TRAF3: variants seen among roughly 807,000 people sequenced by gnomAD.
TRAF3 encodes TNF receptor-associated factor 3.
A neutral mutation model predicts 62.3 loss-of-function variants in TRAF3; 13 were observed. That is an observed-to-expected ratio of 0.21 (90% confidence interval 0.14 to 0.33). The LOEUF (loss-of-function observed/expected upper bound fraction) is 0.33, where lower values mean the gene tolerates loss of function less well. TRAF3 is among the 10% of genes least tolerant of loss of function. The pLI, the probability that TRAF3 is intolerant of heterozygous loss-of-function variation, is 1.00. For synonymous variants in TRAF3, 269 were observed against 283.4 expected, an observed-to-expected ratio of 0.95 and a Z score of 0.51; for missense variants, 440 against 741.8, an observed-to-expected ratio of 0.59 and a Z score of 4.73.
rs117897999 is a variant in TRAF3, at chr14:102,907,823, C to A, written c.*2039C>A. 4,091 of 152,544 alleles carry A rather than the reference C, an allele frequency of 0.027. 62 individuals carry two copies. The highest frequency in any genetic ancestry group is 0.032 in the Non-Finnish European group (2,173 of 68,148). 9.4% of individuals were successfully genotyped at this position (152,544 alleles called of 1,614,324 possible). A position where few individuals can be genotyped will look rare whatever the true frequency, so the allele number is the denominator to read the frequency against. On this transcript the variant is annotated 3_prime_UTR_variant, in exon 12 of 12. Coordinates refer to ENST00000392745, the MANE Select transcript of TRAF3 (RefSeq NM_145725.3). ...GTTCCGTTGTTCTTATCTGCCTTTC[C>A]TTTCCCCGCTCTCCTGGGATTACTT...
At chr14:102,865,570 G>T (rs1229139882) in intron 2 of TRAF3, among the ~76,000 whole-genome samples, 2 of 151,194 alleles carry the variant, frequency 1.3e-5, no homozygotes, top group African/African-American at 4.9e-5. Context: ...CACGATCTCG[G>T]GTCACTGAAA....
At position 102,826,135 on chromosome 14, in the gene TRAF3, A is replaced by G. The variant is rs907467338; in HGVS notation, c.-156-4199A>G. ...CGTCTTTTCCAGTTGGTGTCAGTGA[A>G]CTCTGTTTTGGGTATCTACAAAAGC... is the stretch of plus-strand genomic sequence containing the variant. On this transcript the variant is annotated intron_variant, in intron 1 of 11. Transcript: ENST00000392745. The surrounding 1 kb of genome is among the most constrained non-coding windows in gnomAD (Gnocchi z 4.6). Among the ~76,000 whole-genome samples, 2 of 151,944 alleles carry G rather than the reference A, an allele frequency of 1.3e-5. No individual in the cohort carries two copies. The highest frequency in any genetic ancestry group is 3.9e-4 in the East Asian group (2 of 5,180).
At chr14:102,818,376 G>A (rs899301263) in intron 1 of TRAF3, among the ~76,000 whole-genome samples, 2 of 152,164 alleles carry the variant, frequency 1.3e-5, no homozygotes, top group African/African-American at 4.8e-5. Flanking sequence ...TTAGTAGAAA[G>A]CTCTGTGAAG....
At chr14:102,839,221 T>C (rs1268783413) in intron 2 of TRAF3, among the ~76,000 whole-genome samples, 6 of 135,770 alleles carry the variant, frequency 4.4e-5, no homozygotes, top group South Asian at 2.4e-4. Context: ...TTTTTTTTTT[T>C]TTTTTTTTTT....
At chr14:102,880,964 G>A (rs796933976) in intron 6 of TRAF3, among the ~76,000 whole-genome samples, 1 of 152,172 alleles carries the variant, frequency 6.6e-6, no homozygotes, top group African/African-American at 2.4e-5. Flanking sequence ...GTAATCGCAG[G>A]TGCCTGTAAT....
chr14:102,905,696 A>G lies in TRAF3; in HGVS notation c.1619A>G (p.Gln540Arg). Residue 540 changes from glutamine to arginine, a missense_variant, in exon 12 of 12, where the codon CAA becomes CGA. Physicochemically the swap from Gln to Arg is conservative, Grantham distance 43. Around this residue, in one of 6 missense-constraint regions of TRAF3, gnomAD observed 59 missense variants for 120.9 expected, o/e 0.49. Coordinates refer to ENST00000392745, the MANE Select transcript of TRAF3 (RefSeq NM_145725.3). ...IASGCPVFVA[Q>R]TVLENGTYIK... Reference sequence around the variant, plus strand: ...TCTGGCTGCCCAGTCTTTGTGGCCCAAACTGTTCTAGAAAATGGGACATAT... The same window carrying G: ...TCTGGCTGCCCAGTCTTTGTGGCCCGAACTGTTCTAGAAAATGGGACATAT... The G allele has an allele frequency of 6.2e-7, 1 of 1,612,666 alleles. No homozygotes were observed. Among genetic ancestry groups the G allele is most frequent in the Non-Finnish European group, 8.5e-7 (1 of 1,178,860 alleles).
intron 2 of TRAF3, among the ~76,000 whole-genome samples, chr14:102,842,165 A>AC (rs1265292880): frequency 1.5e-4 from 23 of 151,262 alleles, no homozygotes; most frequent in Non-Finnish European, 2.9e-4. Flanking sequence ...GATCACTTGA[A>AC]CCCGGGAGGT....
At chr14:102,854,568 A>G (rs1887247867) in intron 2 of TRAF3, among the ~76,000 whole-genome samples, 1 of 152,112 alleles carries the variant, frequency 6.6e-6, no homozygotes, top group South Asian at 2.1e-4. Context: ...TAGTGCAAAC[A>G]TGGCTCACTG....
chr14:102,817,148 G>A (rs1035551065), intron 1 of TRAF3, among the ~76,000 whole-genome samples: 1 of 152,132 alleles, frequency 6.6e-6, no homozygotes, highest in African/African-American at 2.4e-5. Context: ...GAGATGTTGA[G>A]TTGGTTATTG....
At chr14:102,865,020 A>G (rs1317680834) in intron 2 of TRAF3, among the ~76,000 whole-genome samples, 1 of 152,148 alleles carries the variant, frequency 6.6e-6, no homozygotes, top group African/African-American at 2.4e-5. Flanking sequence ...TTTATATCCT[A>G]TTTGAGGACT....
In TRAF3 at chr14:102,905,730, T is replaced by C; in HGVS notation, c.1653T>C (p.Asp551=). The change falls in exon 12 of 12, where the codon GAT becomes GAC. Residue 551 remains aspartate, a synonymous_variant. Transcript: ENST00000392745. Reference sequence around the variant, plus strand: ...TAGAAAATGGGACATATATTAAAGATGATACAATTTTTATTAAAGTCATAG... The same window carrying C: ...TAGAAAATGGGACATATATTAAAGACGATACAATTTTTATTAAAGTCATAG... ...TVLENGTYIK[D]DTIFIKVIVD... 1 of 1,612,798 alleles carries C rather than the reference T, an allele frequency of 6.2e-7. No homozygotes were observed. Among genetic ancestry groups the C allele is most frequent in the Admixed American group, 1.7e-5 (1 of 59,894 alleles).
intron 5 of TRAF3, among the ~76,000 whole-genome samples, 200 bp downstream of exon 5, chr14:102,875,928 A>G (rs370613872): frequency 5.3e-5 from 8 of 152,272 alleles, no homozygotes; most frequent in African/African-American, 1.4e-4. Flanking sequence ...AGAATTGTCA[A>G]CTGGTTTTTA....
chr14:102,825,069 G>A (rs1432222159), intron 1 of TRAF3, among the ~76,000 whole-genome samples: 2 of 152,232 alleles, frequency 1.3e-5, no homozygotes, highest in Admixed American at 6.5e-5. Context: ...GAAGGAGTGA[G>A]CGGTTGGTTA....
Position 102,903,714 on chromosome 14 carries a change from T to C in TRAF3, c.1135+285T>C. ...GCTGCAAAGCCCTCCTGGGAGAGAC[T>C]GGCCGCAGGGTGACCCACAGGACAG... On this transcript the variant is annotated intron_variant, in intron 11 of 11. Transcript: ENST00000392745. The surrounding 1 kb of genome is among the most constrained non-coding windows in gnomAD (Gnocchi z 6.4). 1.8e-6 allele frequency: 1 copy of C among 557,226 alleles called. No individual in the cohort carries two copies. Among genetic ancestry groups the C allele is most frequent in the South Asian group, 1.5e-5 (1 of 65,522 alleles). The allele number at this position is 557,226 out of a possible 1,614,324, so 34.5% of individuals were successfully genotyped here.
In TRAF3 at chr14:102,826,779, G is replaced by A. The variant is rs1595336108; in HGVS notation, c.-156-3555G>A. 6.6e-6 allele frequency among the ~76,000 whole-genome samples: 1 copy of A among 152,162 alleles called. No homozygotes were observed. The highest frequency in any genetic ancestry group is 6.5e-5 in the Admixed American group (1 of 15,284). ...GAAGAAAACCATCTGAGCAGAGGCC[G>A]CGTGGACTGTCACCTCTGTCAGGGG... On this transcript the variant is annotated intron_variant, in intron 1 of 11. Coordinates refer to ENST00000392745, the MANE Select transcript of TRAF3 (RefSeq NM_145725.3). This position sits in a 1 kb window ranked among gnomAD's most constrained non-coding sequence, Gnocchi z 4.6.
At chr14:102,800,063 C>T (rs911746306) in intron 1 of TRAF3, among the ~76,000 whole-genome samples, 6 of 152,130 alleles carry the variant, frequency 3.9e-5, no homozygotes, top group African/African-American at 1.4e-4. Flanking sequence ...TTCTCAGAGC[C>T]CTACTTTATT....
At position 102,792,113 on chromosome 14, in the gene TRAF3, C is replaced by CTTTTTTTTTTTTTTTTTTTTTTTTTTT. The variant is rs35895214; in HGVS notation, c.-157+14439_-157+14465dup. On this transcript the variant is annotated intron_variant, in intron 1 of 11. Transcript: ENST00000392745. ...ACAGGTGCGAGCCACTGTGCCTGGA[C>CTTTTTTTTTTTTTTTTTTTTTTTTTTT]TTTTTTTTTTTTTTTTTTTTTTTTT... is the stretch of plus-strand genomic sequence containing the variant. Among the ~76,000 whole-genome samples, 10 of 97,702 alleles carry CTTTTTTTTTTTTTTTTTTTTTTTTTTT rather than the reference C, an allele frequency of 1.0e-4. 5 individuals carry two copies. The highest frequency in any genetic ancestry group is 1.7e-4 in the African/African-American group (4 of 23,854). 64.1% of individuals were successfully genotyped at this position (97,702 alleles called of 152,430 possible). A position where few individuals can be genotyped will look rare whatever the true frequency, so the allele number is the denominator to read the frequency against.
At chr14:102,839,311 T>C (rs1886233954) in intron 2 of TRAF3, among the ~76,000 whole-genome samples, 1 of 140,422 alleles carries the variant, frequency 7.1e-6, no homozygotes, top group Non-Finnish European at 1.5e-5. Flanking sequence ...CTCTGCCTCC[T>C]GGGCTCAAGC....
chr14:102,800,430 T>C (rs967979644), intron 1 of TRAF3, among the ~76,000 whole-genome samples: 1 of 152,204 alleles, frequency 6.6e-6, no homozygotes, highest in African/African-American at 2.4e-5. Flanking sequence ...GCCTCTCTTC[T>C]TTCCCAGCTG....
Sources: allele counts gnomAD v4.1 joint callset (sites outside exome capture counted in the v4.1 genomes callset), GRCh38; gene constraint gnomAD v4.1.1; regional missense constraint gnomAD v4.1.1; non-coding constraint Gnocchi (gnomAD v3.1); transcripts MANE v1.5; gene names NCBI Gene and HGNC (gene_info 2026-07-23, HGNC 2026-07-21).